The following PCDHGC3 variants were observed in gnomAD, a reference collection of about 807,000 sequenced individuals.
PCDHGC3 encodes the protein protocadherin gamma subfamily C, 3, also known as protocadherin gamma-C3.
In PCDHGC3, 26 loss-of-function variants were observed where a neutral mutation model predicts 59.2. That is an observed-to-expected ratio of 0.44 (90% CI 0.32 to 0.61). The LOEUF (loss-of-function observed/expected upper bound fraction) is 0.61, where lower values mean the gene tolerates loss of function less well. PCDHGC3 is among the 20% of genes least tolerant of loss of function. The pLI, the probability that PCDHGC3 is intolerant of heterozygous loss-of-function variation, is 0.05. For synonymous variants in PCDHGC3, 487 were observed against 519.7 expected (o/e 0.94, Z 0.86); for missense variants, 1,080 against 1,221.8 (o/e 0.88, Z 1.73).
At chr5:141,478,625 T>A in intron 1 of PCDHGC3, 79 bp downstream of exon 1, 3 of 1,554,218 alleles carry the variant, frequency 1.9e-6, no homozygotes, top group Non-Finnish European at 2.6e-6. Context: ...ATGGAGCTGT[T>A]TTTTTAGTGA....
chr5:141,506,688 T>G (rs114532236), intron 3 of PCDHGC3, among the ~76,000 whole-genome samples: 2,113 of 152,334 alleles, frequency 0.014, 37 homozygotes, highest in African/African-American at 0.048. Flanking sequence ...TTATCTTTGC[T>G]GACCCAAACC....
At chr5:141,509,310 G>A (rs1223508453) in intron 3 of PCDHGC3, among the ~76,000 whole-genome samples, 2 of 152,174 alleles carry the variant, frequency 1.3e-5, no homozygotes, top group Non-Finnish European at 1.5e-5. Flanking sequence ...GAGGGAGGCT[G>A]GGAGAGAAGC....
chr5:141,485,734 C>T lies in PCDHGC3; in HGVS notation c.2430+7188C>T. ...CACTGGATGTGAAGAAGCGCAGCGACGGCAGCCTGGTCCCAGAGCTGCTCC... is the reference window on the plus strand; with the variant it reads ...CACTGGATGTGAAGAAGCGCAGCGATGGCAGCCTGGTCCCAGAGCTGCTCC... On this transcript the variant is annotated intron_variant, in intron 1 of 3. Transcript: ENST00000308177. This position sits in a 1 kb window ranked among gnomAD's most constrained non-coding sequence, Gnocchi z 5.7. The T allele has an allele frequency of 6.2e-7, 1 of 1,614,210 alleles. No individual in the cohort carries two copies. The highest frequency in any genetic ancestry group is 8.5e-7 in the Non-Finnish European group (1 of 1,180,028).
rs2099430344 is a variant in PCDHGC3 at position 141,478,112 on chromosome 5, G to A, written c.1996G>A (p.Val666Ile). Residue 666 changes from valine (V) to isoleucine (I), a missense_variant, in exon 1 of 4, where the codon GTA (valine) becomes ATA (isoleucine). Transcript: ENST00000308177. Reference protein sequence around the residue: ...LSTTATLTVSVTEDSPEARAE... With the variant: ...LSTTATLTVSITEDSPEARAE... ...CACCACTGCTACCCTCACTGTGTCA[G>A]TAACCGAGGACTCTCCTGAAGCCCG... is the stretch of plus-strand genomic sequence containing the variant. 1.2e-6 allele frequency: 2 copies of A among 1,613,968 alleles called. No homozygotes were observed. The highest frequency in any genetic ancestry group is 2.2e-5 in the South Asian group (2 of 91,094).
intron 2 of PCDHGC3, among the ~76,000 whole-genome samples, chr5:141,496,013 T>C (rs2154591828): frequency 6.6e-6 from 1 of 152,134 alleles, no homozygotes; most frequent in East Asian, 1.9e-4. Flanking sequence ...CTTGTCTTTT[T>C]TCTCTGAGCC....
intron 2 of PCDHGC3, among the ~76,000 whole-genome samples, chr5:141,504,870 AG>A (rs1453764331): frequency 6.6e-6 from 1 of 151,996 alleles, no homozygotes; most frequent in Non-Finnish European, 1.5e-5. Context: ...CCACCTTCAC[AG>A]TCCTCTGGAG....
At chr5:141,508,295 G>C (rs989632251) in intron 3 of PCDHGC3, 5 of 152,202 alleles carry the variant, frequency 3.3e-5, no homozygotes, top group Non-Finnish European at 7.3e-5. Context: ...TGGGCCTTGG[G>C]GGGAGTGGGG....
chr5:141,509,179 C>T (rs895281717), intron 3 of PCDHGC3, among the ~76,000 whole-genome samples: 1 of 152,172 alleles, frequency 6.6e-6, no homozygotes, highest in African/African-American at 2.4e-5. Flanking sequence ...TCCTCTTATG[C>T]CGGCTTGAAA....
chr5:141,501,030 A>G (rs2099805050), intron 2 of PCDHGC3, among the ~76,000 whole-genome samples: 1 of 151,848 alleles, frequency 6.6e-6, no homozygotes, highest in Admixed American at 6.6e-5. Flanking sequence ...CACCACGCCC[A>G]GCTAATTTTT....
At position 141,491,466 on chromosome 5, in the gene PCDHGC3, T is replaced by C; in HGVS notation, c.2431-3341T>C. The C allele has an allele frequency of 6.2e-7, 1 of 1,614,068 alleles. No homozygotes were observed. The highest frequency in any genetic ancestry group is 8.5e-7 in the Non-Finnish European group (1 of 1,179,986). ...AGGACTCACCCTCCCCGGACTTCTA[T>C]AAGCAGTCCAGCCCCAACCTGCAGG... On this transcript the variant is annotated intron_variant, in intron 1 of 3. Transcript: ENST00000308177. The surrounding 1 kb of genome is among the most constrained non-coding windows in gnomAD (Gnocchi z 6.9).
Position 141,490,046 on chromosome 5 carries a change from C to A in PCDHGC3, c.2431-4761C>A, listed in dbSNP as rs2099695274. ...CTGCTCCGCCTCAATGCCACTGATC[C>A]AGACGAGGGCACCAACGGCCAACTA... On this transcript the variant is annotated intron_variant, in intron 1 of 3. Transcript: ENST00000308177. This position sits in a 1 kb window ranked among gnomAD's most constrained non-coding sequence, Gnocchi z 5.4. 1 of 1,614,094 alleles carries A rather than the reference C, an allele frequency of 6.2e-7. No individual in the cohort carries two copies.
At position 141,477,020 on chromosome 5, in the gene PCDHGC3, G is replaced by A; in HGVS notation, c.904G>A (p.Gly302Arg). The A allele has an allele frequency of 6.2e-7, 1 of 1,614,224 alleles. No individual in the cohort carries two copies. Among genetic ancestry groups the A allele is most frequent in the Non-Finnish European group, 8.5e-7 (1 of 1,180,048 alleles). ...ACTATTCGCCTTAGACCTTGTAACC[G>A]GGATGCTGACAATCAAGGGTCGGCT... ...RQLFALDLVTGMLTIKGRLDF... is the reference protein window; with the variant it reads ...RQLFALDLVTRMLTIKGRLDF... Residue 302 changes from glycine (G) to arginine (R), a missense_variant, in exon 1 of 4, where the codon GGG becomes AGG. Gly to Arg is a moderately radical substitution (Grantham distance 125). Transcript: ENST00000308177. This position sits in a 1 kb window ranked among gnomAD's most constrained non-coding sequence, Gnocchi z 4.9.
rs1310725827 is a variant in PCDHGC3, at chr5:141,500,934, T to C, written c.2490-4459T>C. The stretch of plus-strand genomic sequence containing the variant: ...TCCAGGCTGGGGTGCAGTGGCGCCA[T>C]CTCGGCTCACTGCAAGCTCCACCTC... On this transcript the variant is annotated intron_variant, in intron 2 of 3. Transcript: ENST00000308177. 5.9e-5 allele frequency among the ~76,000 whole-genome samples: 9 copies of C among 151,906 alleles called. 1 individual carries two copies. Among genetic ancestry groups the C allele is most frequent in the Non-Finnish European group, 1.3e-4 (9 of 68,020 alleles).
chr5:141,482,126 A>G (rs1235540230), intron 1 of PCDHGC3, among the ~76,000 whole-genome samples: 1 of 152,004 alleles, frequency 6.6e-6, no homozygotes, highest in Non-Finnish European at 1.5e-5. Flanking sequence ...TGGGAGAATC[A>G]TATGGCTGGC....
chr5:141,510,272 TA>T (rs546154379), intron 3 of PCDHGC3, among the ~76,000 whole-genome samples: 4,704 of 130,308 alleles, frequency 0.036, 80 homozygotes, highest in South Asian at 0.057. Flanking sequence ...GACTCCATCT[TA>T]AAAAAAAAAA....
At position 141,492,138 on chromosome 5, in the gene PCDHGC3, T is replaced by C. The variant is rs577884713; in HGVS notation, c.2431-2669T>C. ...ATTTCTCCCCAGCTCCCAGCATCTG[T>C]GACTTCACTGTTACCCTCCCTATCC... On this transcript the variant is annotated intron_variant, in intron 1 of 3. Coordinates refer to ENST00000308177, the MANE Select transcript of PCDHGC3 (RefSeq NM_002588.4). 2.4e-3 allele frequency among the ~76,000 whole-genome samples: 366 copies of C among 152,312 alleles called. 1 individual carries two copies. Among genetic ancestry groups the C allele is most frequent in the Non-Finnish European group, 3.5e-3 (238 of 68,014 alleles).
rs1040028231 is a variant in PCDHGC3, at chr5:141,485,542, C to T, written c.2430+6996C>T. 6.8e-6 allele frequency: 11 copies of T among 1,613,900 alleles called. No individual in the cohort carries two copies. Among genetic ancestry groups the T allele is most frequent in the Admixed American group, 6.7e-5 (4 of 59,996 alleles). On this transcript the variant is annotated intron_variant, in intron 1 of 3. Coordinates refer to ENST00000308177, the MANE Select transcript of PCDHGC3 (RefSeq NM_002588.4). The surrounding 1 kb of genome is among the most constrained non-coding windows in gnomAD (Gnocchi z 5.7). ...AAATGTACCGAGCAGAGGTAGAGAT[C>T]GTAGATGTGAATGATCACGCCCCCC...
At chr5:141,499,966 G>A (rs1403177792) in intron 2 of PCDHGC3, among the ~76,000 whole-genome samples, 1 of 151,988 alleles carries the variant, frequency 6.6e-6, no homozygotes, top group African/African-American at 2.4e-5. Flanking sequence ...GGGATTACAG[G>A]TGTGAGCCAC....
intron 3 of PCDHGC3, among the ~76,000 whole-genome samples, chr5:141,509,636 C>T (rs1199892148): frequency 6.6e-6 from 1 of 152,164 alleles, no homozygotes; most frequent in Non-Finnish European, 1.5e-5. Context: ...TGATGCTGAG[C>T]CAGGGCCAGA....
Sources: allele counts gnomAD v4.1 joint callset (sites outside exome capture counted in the v4.1 genomes callset), GRCh38; gene constraint gnomAD v4.1.1; non-coding constraint Gnocchi (gnomAD v3.1); transcripts MANE v1.5; gene names NCBI Gene and HGNC (gene_info 2026-07-23, HGNC 2026-07-21).